The following SLC30A9 variants were observed in gnomAD, a reference collection of about 807,000 sequenced individuals.
SLC30A9 encodes proton-coupled zinc antiporter SLC30A9, mitochondrial.
SLC30A9 carries 58 observed loss-of-function variants against 87.5 expected under a neutral mutation model. That is an observed-to-expected ratio of 0.66 (90% CI 0.54 to 0.82). The LOEUF is 0.82. SLC30A9 is among the 40% of genes least tolerant of loss of function. The pLI, the probability that SLC30A9 is intolerant of heterozygous loss-of-function variation, is 0.00. For missense variants in SLC30A9, 557 were observed against 679.1 expected, an observed-to-expected ratio of 0.82 and a Z score of 2.00; for synonymous variants, 234 against 233.0, an observed-to-expected ratio of 1.00 and a Z score of -0.04.
intron 9 of SLC30A9, among the ~76,000 whole-genome samples, chr4:42,053,667 G>A (rs1374423122): frequency 6.1e-5 from 7 of 115,052 alleles, no homozygotes; most frequent in Non-Finnish European, 1.1e-4. Flanking sequence ...CTGCACTCCA[G>A]CCTGGATGAC....
chr4:42,046,349 C>G (rs1378481436), intron 8 of SLC30A9, among the ~76,000 whole-genome samples: 4 of 152,108 alleles, frequency 2.6e-5, no homozygotes, highest in Non-Finnish European at 2.9e-5. Flanking sequence ...TAATCTCAGC[C>G]CAAAATCTCC....
intron 1 of SLC30A9, among the ~76,000 whole-genome samples, chr4:41,992,618 T>C (rs1202067595): frequency 6.6e-6 from 1 of 152,250 alleles, no homozygotes; most frequent in African/African-American, 2.4e-5. Context: ...ACACAGATAA[T>C]TATTACCTAC....
intron 8 of SLC30A9, among the ~76,000 whole-genome samples, chr4:42,040,645 A>T (rs990692344): frequency 2.6e-5 from 4 of 151,918 alleles, no homozygotes; most frequent in Non-Finnish European, 5.9e-5. Context: ...AAAATACAAA[A>T]ATTAGCTGGG....
At chr4:42,072,616 A>G (rs4619931) in intron 15 of SLC30A9, among the ~76,000 whole-genome samples, 90,772 of 151,998 alleles carry the variant, frequency 0.6, 32,794 homozygotes, top group East Asian at 0.95. Flanking sequence ...AATATGTTTT[A>G]TATTAGTTCT....
At chr4:42,018,308 C>A in intron 3 of SLC30A9, 138 bp downstream of exon 3, 3 of 761,590 alleles carry the variant, frequency 3.9e-6, no homozygotes, top group South Asian at 1.8e-5. Flanking sequence ...AATAGATTGA[C>A]CATAAGGATT....
chr4:42,036,875 C>T (rs765816471), intron 7 of SLC30A9, among the ~76,000 whole-genome samples: 7 of 152,176 alleles, frequency 4.6e-5, no homozygotes, highest in Non-Finnish European at 8.8e-5. Context: ...TTGCCATTGC[C>T]TCTTGTGCTG....
intron 8 of SLC30A9, among the ~76,000 whole-genome samples, chr4:42,048,266 A>G (rs572992171): frequency 6.6e-6 from 1 of 152,280 alleles, no homozygotes; most frequent in South Asian, 2.1e-4. Flanking sequence ...AAAGAAGAAA[A>G]TAGTGTCAGA....
At chr4:42,066,440 C>T in intron 12 of SLC30A9, 110 bp from the exon 13 acceptor site, 1 of 573,578 alleles carries the variant, frequency 1.7e-6, no homozygotes, top group South Asian at 2.7e-5. Context: ...TCCTTATTGC[C>T]AACCCTAGTT....
intron 6 of SLC30A9, among the ~76,000 whole-genome samples, chr4:42,031,553 T>C (rs1716437061): frequency 6.6e-6 from 1 of 152,230 alleles, no homozygotes; most frequent in Non-Finnish European, 1.5e-5. Flanking sequence ...TAGATTTATA[T>C]CAGCATTTGG....
chr4:42,034,246 A>G (rs995871161), intron 6 of SLC30A9, among the ~76,000 whole-genome samples: 2 of 152,260 alleles, frequency 1.3e-5, no homozygotes, highest in Middle Eastern at 3.4e-3. Flanking sequence ...GCAAATCCAG[A>G]TTTTCCTGCC....
chr4:42,049,301 T>C (rs976012999), intron 8 of SLC30A9, 76 bp from the exon 9 acceptor site: 19 of 804,496 alleles, frequency 2.4e-5, no homozygotes, highest in African/African-American at 3.4e-5. Flanking sequence ...TGTAGAGATA[T>C]ACAGCTGATT....
intron 7 of SLC30A9, among the ~76,000 whole-genome samples, chr4:42,036,623 T>C (rs946925914): frequency 9.2e-5 from 14 of 152,234 alleles, no homozygotes; most frequent in African/African-American, 3.1e-4. Context: ...TCTGGTGGCA[T>C]TTGAGACATT....
chr4:42,054,217 G>A (rs780129470), intron 9 of SLC30A9, among the ~76,000 whole-genome samples: 15 of 152,078 alleles, frequency 9.9e-5, no homozygotes, highest in Non-Finnish European at 1.5e-4. Context: ...CATTAGCTGA[G>A]CGTGGTGGTA....
intron 8 of SLC30A9, among the ~76,000 whole-genome samples, chr4:42,043,646 C>A (rs780080275): frequency 6.6e-6 from 1 of 152,214 alleles, no homozygotes. Context: ...AAACACTCTT[C>A]AGGAGATTAT....
chr4:42,036,926 C>A (rs1009960429), intron 7 of SLC30A9, among the ~76,000 whole-genome samples: 6 of 152,178 alleles, frequency 3.9e-5, no homozygotes, highest in African/African-American at 1.4e-4. Flanking sequence ...TGGGAAGATT[C>A]ACTCCTCGCC....
intron 3 of SLC30A9, among the ~76,000 whole-genome samples, chr4:42,019,573 G>A (rs1213124814): frequency 1.3e-5 from 2 of 151,940 alleles, no homozygotes; most frequent in Admixed American, 6.5e-5. Context: ...ATGTGAAATG[G>A]TCTAGTGGCT....
At chr4:42,066,238 A>G (rs1341913720) in intron 12 of SLC30A9, among the ~76,000 whole-genome samples, 2 of 152,198 alleles carry the variant, frequency 1.3e-5, no homozygotes, top group African/African-American at 2.4e-5. Flanking sequence ...TGAAATGGTT[A>G]TAACACAACC....
intron 3 of SLC30A9, among the ~76,000 whole-genome samples, chr4:42,018,767 C>CG (rs1442419618): frequency 2.0e-5 from 3 of 152,128 alleles, no homozygotes; most frequent in Non-Finnish European, 4.4e-5. Context: ...TCCCCTATAA[C>CG]GTGGTGCTGA....
chr4:41,992,179 C>T (rs1714472699), intron 1 of SLC30A9, among the ~76,000 whole-genome samples: 1 of 151,720 alleles, frequency 6.6e-6, no homozygotes. Context: ...AACTGCCTCT[C>T]TACAAAAAAT....
Sources: gnomAD v4.1 joint callset for allele counts (sites outside exome capture counted in the v4.1 genomes callset) on GRCh38, gnomAD v4.1.1 for gene constraint, MANE v1.5 for transcripts, NCBI Gene and HGNC (gene_info 2026-07-23, HGNC 2026-07-21) for gene names.